Variants in STAU2 observed in about 807,000 individuals in gnomAD.
STAU2 encodes the protein staufen double-stranded RNA binding protein 2, also known as double-stranded RNA-binding protein Staufen homolog 2.
In STAU2, 20 loss-of-function variants were observed where a neutral mutation model predicts 65.9. That is an observed-to-expected ratio of 0.30 (90% CI 0.21 to 0.44). STAU2 has a LOEUF of 0.44. STAU2 is among the 20% of genes least tolerant of loss of function. The probability of loss-of-function intolerance (pLI) is 1.00; values close to 1 mark genes in which losing one functional copy is unlikely to be tolerated. For missense variants in STAU2, 558 were observed against 683.9 expected, an observed-to-expected ratio of 0.82 and a Z score of 2.05; for synonymous variants, 232 against 233.9, an observed-to-expected ratio of 0.99 and a Z score of 0.07.
chr8:73,721,049 G>C (rs533876229), intron 3 of STAU2, among the ~76,000 whole-genome samples: 1 of 148,158 alleles, frequency 6.7e-6, no homozygotes, highest in African/African-American at 2.5e-5. Context: ...GGAGGCAGAG[G>C]CAGGAGGATC....
At chr8:73,520,167 G>A (rs1438445775) in intron 13 of STAU2, among the ~76,000 whole-genome samples, 1 of 152,240 alleles carries the variant, frequency 6.6e-6, no homozygotes, top group Non-Finnish European at 1.5e-5. Flanking sequence ...TAAAAGATGA[G>A]ATTGGAGACA....
chr8:73,637,495 A>G (rs1423078837), intron 6 of STAU2, among the ~76,000 whole-genome samples: 2 of 142,778 alleles, frequency 1.4e-5, no homozygotes, highest in Admixed American at 7.0e-5. Context: ...AAAAAAAAAA[A>G]AAAAAAAAAA....
In STAU2 at chr8:73,720,748, A is replaced by G. The variant is rs1821595903; in HGVS notation, c.-17-11586T>C. Among the ~76,000 whole-genome samples, 2 of 80,016 alleles carry G rather than the reference A, an allele frequency of 2.5e-5. 1 individual carries two copies. Among genetic ancestry groups the G allele is most frequent in the Admixed American group, 2.2e-4 (2 of 8,968 alleles). 52.5% of individuals were successfully genotyped at this position (80,016 alleles called of 152,430 possible). A position where few individuals can be genotyped will look rare whatever the true frequency, so the allele number is the denominator to read the frequency against. ...AGGATGGTCTCGATCTCCTGACCTC[A>G]TGATCCACCCGCCTCGGCCTCCCAA... On this transcript the variant is annotated intron_variant, in intron 3 of 14. Coordinates refer to ENST00000524300, the MANE Select transcript of STAU2 (RefSeq NM_001164380.2).
chr8:73,588,360 A>G (rs1458552884), intron 11 of STAU2, among the ~76,000 whole-genome samples: 1 of 152,254 alleles, frequency 6.6e-6, no homozygotes, highest in Admixed American at 6.5e-5. Context: ...CCTGAGTATG[A>G]GCTAGCATGA....
intron 13 of STAU2, chr8:73,439,955 T>C (rs1818009695): frequency 6.6e-6 from 1 of 152,272 alleles, no homozygotes; most frequent in South Asian, 2.1e-4. Flanking sequence ...GTCACCTGAG[T>C]GCTCAAGATA....
chr8:73,548,072 C>A (rs1392928097), intron 13 of STAU2, among the ~76,000 whole-genome samples: 1 of 151,942 alleles, frequency 6.6e-6, no homozygotes, highest in African/African-American at 2.4e-5. Flanking sequence ...CTTGAGCGTC[C>A]ATGAACTTTG....
At chr8:73,682,066 T>C (rs1215716196) in intron 5 of STAU2, among the ~76,000 whole-genome samples, 2 of 152,222 alleles carry the variant, frequency 1.3e-5, no homozygotes, top group Middle Eastern at 3.4e-3. Context: ...ACTAGACAGG[T>C]CGTTAAGACA....
At chr8:73,703,997 TTAC>T (rs772297959) in intron 4 of STAU2, among the ~76,000 whole-genome samples, 1 of 152,196 alleles carries the variant, frequency 6.6e-6, no homozygotes, top group Non-Finnish European at 1.5e-5. Flanking sequence ...TCATGACTCT[TTAC>T]TACATTTCCC....
chr8:73,480,064 G>T (rs16938677), intron 13 of STAU2, among the ~76,000 whole-genome samples: 16,567 of 151,880 alleles, frequency 0.11, 1,223 homozygotes, highest in African/African-American at 0.21. Context: ...TTACTTAAAA[G>T]TCTTCCATTG....
chr8:73,746,851 G>C (rs865870738), upstream of STAU2: 8 of 1,214,970 alleles, frequency 6.6e-6, no homozygotes, highest in Non-Finnish European at 8.2e-6. Flanking sequence ...GACCCCGCTC[G>C]GCCGCCGCCG....
At chr8:73,714,972 T>A (rs1821144061) in intron 3 of STAU2, among the ~76,000 whole-genome samples, 1 of 150,814 alleles carries the variant, frequency 6.6e-6, no homozygotes, top group Non-Finnish European at 1.5e-5. Context: ...TCCCAGCTAC[T>A]CAGGAGGCTG....
chr8:73,458,483 A>G (rs1386510834), intron 13 of STAU2, among the ~76,000 whole-genome samples: 1 of 152,264 alleles, frequency 6.6e-6, no homozygotes, highest in African/African-American at 2.4e-5. Context: ...CAGTTGCCAG[A>G]CATTCTCTCC....
At chr8:73,619,174 G>A (rs929403928) in intron 6 of STAU2, among the ~76,000 whole-genome samples, 5 of 152,066 alleles carry the variant, frequency 3.3e-5, no homozygotes, top group African/African-American at 1.2e-4. Context: ...TGTGATGGGA[G>A]AAAAGCCAAG....
intron 13 of STAU2, among the ~76,000 whole-genome samples, chr8:73,479,226 T>G (rs1210509255): frequency 6.6e-6 from 1 of 152,190 alleles, no homozygotes; most frequent in Non-Finnish European, 1.5e-5. Context: ...AAAAAGTTAG[T>G]AATTCCTTAA....
intron 3 of STAU2, among the ~76,000 whole-genome samples, chr8:73,710,806 T>C (rs575466042): frequency 2.6e-5 from 4 of 152,132 alleles, no homozygotes; most frequent in Admixed American, 6.6e-5. Flanking sequence ...ATTTAAACTA[T>C]AGTCACAATA....
Position 73,430,365 on chromosome 8 carries a change from C to G in STAU2, c.1531-7663G>C, listed in dbSNP as rs116049014. Reference sequence around the variant, plus strand: ...TGGGCAGGGCCTGCCGACCAGGTACCCCTCTCACAGGTACGGACAGAACCC... The same window carrying G: ...TGGGCAGGGCCTGCCGACCAGGTACGCCTCTCACAGGTACGGACAGAACCC... On this transcript the variant is annotated intron_variant, in intron 13 of 14. Transcript: ENST00000524300. 4.2e-3 allele frequency among the ~76,000 whole-genome samples: 645 copies of G among 152,282 alleles called. 5 individuals carry two copies. Among genetic ancestry groups the G allele is most frequent in the African/African-American group, 0.015 (609 of 41,558 alleles).
chr8:73,581,603 G>A (rs1490024323), intron 12 of STAU2, among the ~76,000 whole-genome samples: 2 of 152,030 alleles, frequency 1.3e-5, no homozygotes, highest in African/African-American at 4.8e-5. Flanking sequence ...AACATCAAAG[G>A]AACTGAACAC....
intron 13 of STAU2, among the ~76,000 whole-genome samples, chr8:73,470,015 G>T (rs1025558661): frequency 2.6e-5 from 4 of 152,190 alleles, no homozygotes; most frequent in African/African-American, 9.7e-5. Context: ...AAAATGTACA[G>T]GCTCTGTGAC....
intron 12 of STAU2, among the ~76,000 whole-genome samples, chr8:73,570,718 T>C (rs13257130): frequency 0.8 from 121,660 of 152,090 alleles, 49,005 homozygotes; most frequent in Admixed American, 0.84. Flanking sequence ...ATGTTACCCA[T>C]AAAGGGAAGC....
Sources: allele counts gnomAD v4.1 joint callset (sites outside exome capture counted in the v4.1 genomes callset), GRCh38; gene constraint gnomAD v4.1.1; transcripts MANE v1.5; gene names NCBI Gene and HGNC (gene_info 2026-07-23, HGNC 2026-07-21).